Variants in PSMD11 observed in about 807,000 individuals in gnomAD.
The protein encoded by PSMD11 is proteasome 26S subunit, non-ATPase 11, also known as 26S proteasome non-ATPase regulatory subunit 11.
A neutral mutation model predicts 62.3 loss-of-function variants in PSMD11; 5 were observed. The observed-to-expected ratio is 0.08, with a 90% CI of 0.04 to 0.17. The LOEUF is 0.17. Ranked by LOEUF, PSMD11 falls within the 10% of genes least tolerant of loss-of-function variation. PSMD11 has a pLI of 1.00. For synonymous variants in PSMD11, 191 were observed against 191.8 expected, an observed-to-expected ratio of 1.00 and a Z score of 0.03; for missense variants, 310 against 512.9, an observed-to-expected ratio of 0.60 and a Z score of 3.82.
At chr17:32,473,751 T>A (rs764621117) in intron 6 of PSMD11, 50 bp from the exon 7 acceptor site, 1 of 1,595,400 alleles carries the variant, frequency 6.3e-7, no homozygotes, top group Admixed American at 1.7e-5. Context: ...TCTGATCTTT[T>A]ATGGCTCTAT....
At position 32,464,651 on chromosome 17, in the gene PSMD11, A is replaced by T. The variant is rs984771560; in HGVS notation, c.448+73A>T. 2.6e-6 allele frequency: 3 copies of T among 1,157,624 alleles called. No individual in the cohort carries two copies. In the African/African-American group the frequency reaches 4.7e-5, roughly 18 times the overall value. The allele number at this position is 1,157,624 out of a possible 1,614,324, so 71.7% of individuals were successfully genotyped here. ...TCTAAACCACCTGGCTACTCTTACT[A>T]ATTACCTGTTAATAATTTATATTCT... is the stretch of plus-strand genomic sequence containing the variant. On this transcript the variant is annotated intron_variant, in intron 5 of 13. Coordinates refer to ENST00000261712, the MANE Select transcript of PSMD11 (RefSeq NM_002815.4).
intron 1 of PSMD11, chr17:32,445,424 AAAAATT>A: frequency 6.6e-6 from 1 of 152,216 alleles, no homozygotes; most frequent in Admixed American, 6.5e-5. Context: ...ATGTTGCCGG[AAAAATT>A]AAAATTTCTT....
At position 32,479,346 on chromosome 17, in the gene PSMD11, C is replaced by T; in HGVS notation, c.1008C>T (p.Ile336=). ...LYDNLLEQNL[I]RVIEPFSRVQ... ...ATAACTTACTAGAACAGAATCTGAT[C>T]CGAGTCATTGAGCCTTTTTCCAGAG... Residue 336 remains isoleucine (I), a synonymous_variant, in exon 10 of 14, where the codon ATC becomes ATT. Coordinates refer to ENST00000261712, the MANE Select transcript of PSMD11 (RefSeq NM_002815.4). The T allele has an allele frequency of 6.2e-7, 1 of 1,614,174 alleles. No homozygotes were observed. The highest frequency in any genetic ancestry group is 8.5e-7 in the Non-Finnish European group (1 of 1,180,024).
chr17:32,444,698 A>G lies in PSMD11; in HGVS notation c.91+84A>G, dbSNP rs1020973454. The G allele has an allele frequency of 7.8e-6, 12 of 1,542,204 alleles. No homozygotes were observed. The African/African-American group carries it at 1.7e-4, about 21-fold the overall frequency. ...GGCGGCAGCGGAGAGGGGCCCGGCT[A>G]GCCGGCTCTGATGCTGCTGACTCAC... On this transcript the variant is annotated intron_variant, in intron 1 of 13. Transcript: ENST00000261712.
intron 2 of PSMD11, among the ~76,000 whole-genome samples, chr17:32,453,932 A>G (rs868775507): frequency 3.2e-4 from 49 of 152,216 alleles, no homozygotes; most frequent in Non-Finnish European, 5.4e-4. Flanking sequence ...ACACTCTTCT[A>G]TGTGAAAAGT....
At position 32,481,402 on chromosome 17, in the gene PSMD11, G is replaced by T. The variant is rs1012658698; in HGVS notation, c.*650G>T. The T allele has an allele frequency of 6.4e-6, 1 of 156,532 alleles. No individual in the cohort carries two copies. Among genetic ancestry groups the T allele is most frequent in the South Asian group, 1.7e-4 (1 of 5,728 alleles). The allele number at this position is 156,532 out of a possible 1,614,324, so 9.7% of individuals were successfully genotyped here. ...AGCAGCGCCTGCATAGCTCCACTCT[G>T]ACCTGTGAAGGAATGGGGATGAGGC... On this transcript the variant is annotated 3_prime_UTR_variant, in exon 14 of 14. Transcript: ENST00000261712.
At chr17:32,459,199 G>T (rs1305206916) in intron 3 of PSMD11, among the ~76,000 whole-genome samples, 1 of 144,662 alleles carries the variant, frequency 6.9e-6, no homozygotes, top group Non-Finnish European at 1.5e-5. Flanking sequence ...GAGTACTTTG[G>T]CTTGAAGAAG....
At chr17:32,464,218 T>C in intron 4 of PSMD11, 98 bp downstream of exon 4, 1 of 1,119,384 alleles carries the variant, frequency 8.9e-7, no homozygotes, top group Non-Finnish European at 1.4e-6. Flanking sequence ...TCAGCAACTT[T>C]GTAATTACCT....
intron 2 of PSMD11, among the ~76,000 whole-genome samples, chr17:32,451,257 A>G (rs1907490381): frequency 6.6e-6 from 1 of 152,250 alleles, no homozygotes; most frequent in Non-Finnish European, 1.5e-5. Flanking sequence ...AGAAAGGCAC[A>G]CTGCTTAGCT....
In PSMD11 at chr17:32,480,152, G is replaced by T; in HGVS notation, c.1081G>T (p.Val361Leu). ...TCATGTGCTTTGATTTTAGGCCGAC[G>T]TGGAAAGGAAATTATCACAGATGAT... ...SSLIKLSKAD[V>L]ERKLSQMILD... Residue 361 changes from valine to leucine, a missense_variant, in exon 12 of 14, where the codon GTG (valine) becomes TTG (leucine). By Grantham distance (32) the Val-to-Leu change is conservative. Coordinates refer to ENST00000261712, the MANE Select transcript of PSMD11 (RefSeq NM_002815.4). 6.2e-7 allele frequency: 1 copy of T among 1,613,736 alleles called. No individual in the cohort carries two copies. The highest frequency in any genetic ancestry group is 8.5e-7 in the Non-Finnish European group (1 of 1,179,642).
chr17:32,474,905 C>G, intron 8 of PSMD11, 81 bp downstream of exon 8: 1 of 1,214,996 alleles, frequency 8.2e-7, no homozygotes, highest in South Asian at 1.2e-5. Flanking sequence ...GAGACCAGCA[C>G]TCTTCAGATC....
chr17:32,452,195 T>G (rs1907526024), intron 2 of PSMD11, among the ~76,000 whole-genome samples: 1 of 152,198 alleles, frequency 6.6e-6, no homozygotes, highest in South Asian at 2.1e-4. Context: ...ATATAACCTG[T>G]GAAGCCAAAA....
chr17:32,480,022 A>T, intron 11 of PSMD11, 124 bp from the exon 12 acceptor site: 1 of 1,471,496 alleles, frequency 6.8e-7, no homozygotes, highest in Non-Finnish European at 9.5e-7. Context: ...CTAGAGTAGG[A>T]GTTGCATTGT....
At chr17:32,472,873 C>T (rs1159197839) in intron 6 of PSMD11, among the ~76,000 whole-genome samples, 5 of 140,342 alleles carry the variant, frequency 3.6e-5, no homozygotes, top group Non-Finnish European at 6.1e-5. Flanking sequence ...GAGACAAGGT[C>T]GGCTGGGTGT....
chr17:32,460,903 G>A (rs1907816952), intron 3 of PSMD11, among the ~76,000 whole-genome samples: 1 of 152,090 alleles, frequency 6.6e-6, no homozygotes, highest in Non-Finnish European at 1.5e-5. Context: ...GAGTGAGAGA[G>A]TGAGGATGGG....
chr17:32,479,566 T>A (rs1363979870), intron 10 of PSMD11, 190 bp downstream of exon 10: 1 of 856,444 alleles, frequency 1.2e-6, no homozygotes, highest in African/African-American at 1.7e-5. Flanking sequence ...TAGAGGCATG[T>A]GGGTTGCCCC....
Position 32,477,384 on chromosome 17 carries a change from G to A in PSMD11, c.850-137G>A, listed in dbSNP as rs1266039229. On this transcript the variant is annotated intron_variant, in intron 8 of 13. Coordinates refer to ENST00000261712, the MANE Select transcript of PSMD11 (RefSeq NM_002815.4). Reference sequence around the variant, plus strand: ...GTACTTGCGGCTCTTCTTCCCGGGCGTCTGAAGAAGAACGATGGTGGGGCG... The same window carrying A: ...GTACTTGCGGCTCTTCTTCCCGGGCATCTGAAGAAGAACGATGGTGGGGCG... The A allele has an allele frequency of 6.5e-6, 4 of 612,442 alleles. No individual in the cohort carries two copies. In the East Asian group the frequency reaches 9.2e-5, roughly 14 times the overall value. 37.9% of individuals were successfully genotyped at this position (612,442 alleles called of 1,614,324 possible).
At chr17:32,444,939 C>G (rs542179203) in intron 1 of PSMD11, 1 of 430,792 alleles carries the variant, frequency 2.3e-6, no homozygotes, top group East Asian at 5.0e-5. Flanking sequence ...ACGAGCTGGT[C>G]TGGGACCCGG....
rs768729808 is a variant in PSMD11, at chr17:32,473,855, A to G, written c.698A>G (p.Tyr233Cys). 3.9e-5 allele frequency: 63 copies of G among 1,613,980 alleles called. No homozygotes were observed. The highest frequency in any genetic ancestry group is 5.0e-5 in the Non-Finnish European group (59 of 1,179,850). ...TGGAAAACTGCGTACTCATACTTCT[A>G]TGAGGCATTTGAGGGTTATGACTCC... ...KDWKTAYSYF[Y>C]EAFEGYDSID... The change falls in exon 7 of 14, where the codon TAT (tyrosine) becomes TGT (cysteine). Residue 233 changes from tyrosine to cysteine, a missense_variant. This residue lies in a region of PSMD11 where 47 missense variants were observed against 117.7 expected (regional missense o/e 0.40). Transcript: ENST00000261712.
Sources: gnomAD v4.1 joint callset for allele counts (sites outside exome capture counted in the v4.1 genomes callset) on GRCh38, gnomAD v4.1.1 for gene constraint, gnomAD v4.1.1 regional missense constraint, MANE v1.5 for transcripts, NCBI Gene and HGNC (gene_info 2026-07-23, HGNC 2026-07-21) for gene names.